KREMEN2: variants seen among roughly 807,000 people sequenced by gnomAD.
KREMEN2 encodes kremen protein 2.
KREMEN2 carries 43 observed loss-of-function variants against 49.8 expected under a neutral mutation model. The ratio of observed to expected loss-of-function variants is 0.86; its 90% CI spans 0.68 to 1.11. The LOEUF (loss-of-function observed/expected upper bound fraction) is 1.11. KREMEN2 is among the 50% of genes most tolerant of loss of function. The pLI is 0.00. For synonymous variants in KREMEN2, 355 were observed against 304.9 expected (o/e 1.16, Z -1.71); for missense variants, 686 against 665.7 (o/e 1.03, Z -0.34).
At position 2,967,982 on chromosome 16, in the gene KREMEN2, A is replaced by C; in HGVS notation, c.1351A>C (p.Ser451Arg). The change falls in exon 9 of 9, where the codon AGC becomes CGC. Residue 451 changes from serine (S) to arginine (R), a missense_variant. Physicochemically the swap from Ser to Arg is moderately radical, Grantham distance 110. Coordinates refer to ENST00000303746, the MANE Select transcript of KREMEN2 (RefSeq NM_172229.3). The part of the protein sequence containing the change: ...AAGYRPLSAS[S>R]QSSLRSLISA... Reference sequence around the variant, plus strand: ...GGGCTACCGGCCTCTGAGTGCCTCCAGCCAGAGCTCCCTGCGCTCGCTCAT... The same window carrying C: ...GGGCTACCGGCCTCTGAGTGCCTCCCGCCAGAGCTCCCTGCGCTCGCTCAT... 1 of 1,583,682 alleles carries C rather than the reference A, an allele frequency of 6.3e-7. No homozygotes were observed. The highest frequency in any genetic ancestry group is 8.5e-7 in the Non-Finnish European group (1 of 1,170,002).
Position 2,966,692 on chromosome 16 carries a change from C to T in KREMEN2, c.537C>T (p.Asp179=), listed in dbSNP as rs745886474. The T allele has an allele frequency of 5.6e-6, 9 of 1,611,386 alleles. No homozygotes were observed. Among genetic ancestry groups the T allele is most frequent in the Middle Eastern group, 1.6e-4 (1 of 6,084 alleles). ...CCTGCTTCTGTGGCTCTGAAAGCGA[C>T]CTGGCCCGGGGACGCCTGGCCCCCG... ...GYACFCGSES[D]LARGRLAPAT... The change falls in exon 5 of 9, where the codon GAC becomes GAT. Residue 179 remains aspartate (D), a synonymous_variant. Coordinates refer to ENST00000303746, the MANE Select transcript of KREMEN2 (RefSeq NM_172229.3). The surrounding 1 kb of genome is among the most constrained non-coding windows in gnomAD (Gnocchi z 8.4).
intron 7 of KREMEN2, 34 bp downstream of exon 7, chr16:2,967,479 G>A (rs2071853265): frequency 6.8e-7 from 1 of 1,480,634 alleles, no homozygotes; most frequent in Non-Finnish European, 8.9e-7. Context: ...AGTGAGTCAG[G>A]GAGCCGCCCC....
Position 2,966,814 on chromosome 16 carries a change from C to G in KREMEN2, c.640+19C>G, listed in dbSNP as rs1236479284. ...TATGAAGGTGAGGAGTGGGCGGGGA[C>G]CAGGGGCCTGGGCGGGCCTCGAGGT... On this transcript the variant is annotated intron_variant, in intron 5 of 8. Coordinates refer to ENST00000303746, the MANE Select transcript of KREMEN2 (RefSeq NM_172229.3). This position sits in a 1 kb window ranked among gnomAD's most constrained non-coding sequence, Gnocchi z 8.4. 46 of 1,607,744 alleles carry G rather than the reference C, an allele frequency of 2.9e-5. No homozygotes were observed. Among genetic ancestry groups the G allele is most frequent in the Non-Finnish European group, 3.7e-5 (44 of 1,178,004 alleles).
chr16:2,967,638 C>G, intron 8 of KREMEN2, 34 bp downstream of exon 8: 8 of 1,534,336 alleles, frequency 5.2e-6, no homozygotes, highest in Middle Eastern at 1.7e-4. Flanking sequence ...TGAGGGCGGA[C>G]CGGTGGTGGG....
rs1016532660 is a variant in KREMEN2, at chr16:2,966,241, G to A, written c.361+10G>A. On this transcript the variant is annotated intron_variant, in intron 3 of 8. Coordinates refer to ENST00000303746, the MANE Select transcript of KREMEN2 (RefSeq NM_172229.3). This position sits in a 1 kb window ranked among gnomAD's most constrained non-coding sequence, Gnocchi z 8.4. ...ATCCCCTCCTGTCACAGTGAGTAGCGCGGCTGGACAGAGGTGGGAACGCTG... is the reference window on the plus strand; with the variant it reads ...ATCCCCTCCTGTCACAGTGAGTAGCACGGCTGGACAGAGGTGGGAACGCTG... The A allele has an allele frequency of 1.7e-5, 28 of 1,613,320 alleles. No individual in the cohort carries two copies. Among genetic ancestry groups the A allele is most frequent in the Non-Finnish European group, 2.3e-5 (27 of 1,179,984 alleles).
intron 2 of KREMEN2, 44 bp downstream of exon 2, chr16:2,965,077 T>C (rs1473266592): frequency 4.2e-6 from 6 of 1,416,314 alleles, no homozygotes; most frequent in Admixed American, 5.3e-5. Flanking sequence ...GGGCTCACCA[T>C]TGCAGGGATG....
Position 2,967,368 on chromosome 16 carries a change from A to G in KREMEN2, c.1022A>G (p.Gln341Arg). ...EDPEAPEGSAQTPAAPLDGAN... is the reference protein window; with the variant it reads ...EDPEAPEGSARTPAAPLDGAN... ...CCAGAGGCCCCCGAGGGCTCGGCCC[A>G]GACCCCCGCGGCGCCCCTCGACGGG... The change falls in exon 7 of 9, where the codon CAG (glutamine) becomes CGG (arginine). Residue 341 changes from glutamine to arginine, a missense_variant. By Grantham distance (43) the Gln-to-Arg change is conservative (BLOSUM62 1). Transcript: ENST00000303746. The G allele has an allele frequency of 1.4e-6, 2 of 1,402,114 alleles. No individual in the cohort carries two copies. The highest frequency in any genetic ancestry group is 1.8e-6 in the Non-Finnish European group (2 of 1,089,636). 86.9% of individuals were successfully genotyped at this position (1,402,114 alleles called of 1,614,324 possible). A position where few individuals can be genotyped will look rare whatever the true frequency, so the allele number is the denominator to read the frequency against.
rs1254270674 is a variant in KREMEN2, at chr16:2,967,043, C to T, written c.774C>T (p.Leu258=). The T allele has an allele frequency of 6.5e-7, 1 of 1,539,150 alleles. No homozygotes were observed. The highest frequency in any genetic ancestry group is 8.7e-7 in the Non-Finnish European group (1 of 1,144,476). ...ALGPPGAALE[L]TFRLFELADP... ...GCCCGCCAGGCGCCGCGCTGGAGCTCACCTTCCGCCTCTTCGAGCTGGCCG... is the reference window on the plus strand; with the variant it reads ...GCCCGCCAGGCGCCGCGCTGGAGCTTACCTTCCGCCTCTTCGAGCTGGCCG... Residue 258 remains leucine, a synonymous_variant, in exon 6 of 9, where the codon CTC becomes CTT. Transcript: ENST00000303746.
rs1412858930 is a variant in KREMEN2 at position 2,966,164 on chromosome 16, G to A, written c.294G>A (p.Pro98=). The A allele has an allele frequency of 1.1e-5, 18 of 1,612,272 alleles. No homozygotes were observed. Among genetic ancestry groups the A allele is most frequent in the Admixed American group, 1.7e-5 (1 of 60,004 alleles). Residue 98 remains proline, a synonymous_variant, in exon 3 of 9, where the codon CCG becomes CCA. Transcript: ENST00000303746. This position sits in a 1 kb window ranked among gnomAD's most constrained non-coding sequence, Gnocchi z 8.4. ...GTAACCCAGACGGTGACGTGCAGCC[G>A]TGGTGCTACGTGGCTGAGACAGAGG... The part of the protein sequence containing the change: ...FCRNPDGDVQ[P]WCYVAETEEG...
At position 2,967,561 on chromosome 16, in the gene KREMEN2, C is replaced by T; in HGVS notation, c.1135C>T (p.Leu379=). The change falls in exon 8 of 9, where the codon CTG becomes TTG. Residue 379 remains leucine (L), a synonymous_variant. Coordinates refer to ENST00000303746, the MANE Select transcript of KREMEN2 (RefSeq NM_172229.3). ...VFSTVTAVSV[L]LLLLLGLLRP... ...CTCGACGGTGACGGCTGTCTCGGTG[C>T]TGCTGCTGCTGCTCCTGGGGCTGCT... 4.6e-6 allele frequency: 7 copies of T among 1,527,894 alleles called. No individual in the cohort carries two copies. The highest frequency in any genetic ancestry group is 1.4e-5 in the African/African-American group (1 of 72,574). 94.6% of individuals were successfully genotyped at this position (1,527,894 alleles called of 1,614,324 possible). A position where few individuals can be genotyped will look rare whatever the true frequency, so the allele number is the denominator to read the frequency against.
chr16:2,967,253 G>T lies in KREMEN2; in HGVS notation c.973+11G>T. 7.4e-7 allele frequency: 1 copy of T among 1,352,538 alleles called. No homozygotes were observed. Among genetic ancestry groups the T allele is most frequent in the Non-Finnish European group, 9.4e-7 (1 of 1,060,708 alleles). 83.8% of individuals were successfully genotyped at this position (1,352,538 alleles called of 1,614,324 possible). A position where few individuals can be genotyped will look rare whatever the true frequency, so the allele number is the denominator to read the frequency against. On this transcript the variant is annotated intron_variant, in intron 6 of 8. Coordinates refer to ENST00000303746, the MANE Select transcript of KREMEN2 (RefSeq NM_172229.3). Reference sequence around the variant, plus strand: ...CGCTCACCTACCGCGGTGAGCCTCAGCTCGGCGCGCCCTGCCCGCTGTTCC... The same window carrying T: ...CGCTCACCTACCGCGGTGAGCCTCATCTCGGCGCGCCCTGCCCGCTGTTCC...
rs966415166 is a variant in KREMEN2 at position 2,967,081 on chromosome 16, G to A, written c.812G>A (p.Arg271Gln). 2.6e-6 allele frequency: 4 copies of A among 1,511,538 alleles called. No homozygotes were observed. The highest frequency in any genetic ancestry group is 3.5e-6 in the Non-Finnish European group (4 of 1,136,380). The allele number at this position is 1,511,538 out of a possible 1,614,324, so 93.6% of individuals were successfully genotyped here. Reference sequence around the variant, plus strand: ...TTCGAGCTGGCCGACCCGCGCGACCGGCTGGAGCTGCGCGACGCGGCTTCG... The same window carrying A: ...TTCGAGCTGGCCGACCCGCGCGACCAGCTGGAGCTGCGCGACGCGGCTTCG... ...RLFELADPRD[R>Q]LELRDAASGS... The change falls in exon 6 of 9, where the codon CGG becomes CAG. Residue 271 changes from arginine to glutamine, a missense_variant. Arg to Gln is a conservative substitution (Grantham distance 43). Transcript: ENST00000303746.
chr16:2,967,268 C>T, intron 6 of KREMEN2, 26 bp downstream of exon 6: 2 of 1,354,228 alleles, frequency 1.5e-6, no homozygotes, highest in Non-Finnish European at 1.9e-6. Flanking sequence ...GCGCGCCCTG[C>T]CCGCTGTTCC....
chr16:2,967,160 G>A lies in KREMEN2; in HGVS notation c.891G>A (p.Leu297=). 7.2e-7 allele frequency: 1 copy of A among 1,383,364 alleles called. No homozygotes were observed. The highest frequency in any genetic ancestry group is 9.3e-7 in the Non-Finnish European group (1 of 1,077,692). The allele number at this position is 1,383,364 out of a possible 1,614,324, so 85.7% of individuals were successfully genotyped here. A position where few individuals can be genotyped will look rare whatever the true frequency, so the allele number is the denominator to read the frequency against. The part of the protein sequence containing the change: ...DGARPPPSGP[L]RLGTAALLLT... ...CCCGCCCACCGCCGTCCGGGCCGCT[G>A]CGCCTGGGCACTGCCGCGCTGCTGC... The change falls in exon 6 of 9, where the codon CTG becomes CTA. Residue 297 remains leucine (L), a synonymous_variant. Coordinates refer to ENST00000303746, the MANE Select transcript of KREMEN2 (RefSeq NM_172229.3).
At chr16:2,965,769 C>T (rs1050635319) in intron 2 of KREMEN2, among the ~76,000 whole-genome samples, 3 of 115,666 alleles carry the variant, frequency 2.6e-5, no homozygotes, top group South Asian at 5.9e-4. Flanking sequence ...AGACTCGTCT[C>T]AAAAAAAAAA....
intron 8 of KREMEN2, 57 bp from the exon 9 acceptor site, chr16:2,967,753 G>T: frequency 1.9e-6 from 3 of 1,545,218 alleles, no homozygotes; most frequent in Non-Finnish European, 1.8e-6. Flanking sequence ...ATCGCAGGTA[G>T]AGCAGGACGC....
chr16:2,966,769 G>A lies in KREMEN2; in HGVS notation c.614G>A (p.Gly205Asp), dbSNP rs768972679. The change falls in exon 5 of 9, where the codon GGC becomes GAC. Residue 205 changes from glycine (G) to aspartate (D), a missense_variant. Transcript: ENST00000303746. The surrounding 1 kb of genome is among the most constrained non-coding windows in gnomAD (Gnocchi z 8.4). ...CFGHPGQLCG[G>D]DGRLGVYEVS... ...GGCCACCCTGGACAGCTGTGTGGCG[G>A]CGATGGGCGGCTGGGCGTCTATGAA... is the stretch of plus-strand genomic sequence containing the variant. 1.2e-6 allele frequency: 2 copies of A among 1,611,504 alleles called. No homozygotes were observed. The highest frequency in any genetic ancestry group is 1.3e-5 in the African/African-American group (1 of 75,044).
In KREMEN2 at chr16:2,967,011, G is replaced by A. The variant is rs772891884; in HGVS notation, c.742G>A (p.Ala248Thr). ...CGGGCCGGACCGGAACTGCAGCTGG[G>A]CCCTGGGCCCGCCAGGCGCCGCGCT... ...EYGPDRNCSW[A>T]LGPPGAALEL... Residue 248 changes from alanine to threonine, a missense_variant, in exon 6 of 9, where the codon GCC (alanine) becomes ACC (threonine). Transcript: ENST00000303746. 2.6e-5 allele frequency: 40 copies of A among 1,548,258 alleles called. 1 individual carries two copies. In the South Asian group the frequency reaches 3.7e-4, roughly 14 times the overall value.
Position 2,967,165 on chromosome 16 carries a change from TG to T in KREMEN2, c.899del (p.Gly300AlafsTer53). 1 of 1,380,228 alleles carries T rather than the reference TG, an allele frequency of 7.2e-7. No homozygotes were observed. The highest frequency in any genetic ancestry group is 9.3e-7 in the Non-Finnish European group (1 of 1,076,146). 85.5% of individuals were successfully genotyped at this position (1,380,228 alleles called of 1,614,324 possible). A position where few individuals can be genotyped will look rare whatever the true frequency, so the allele number is the denominator to read the frequency against. On this transcript the variant is annotated frameshift_variant, in exon 6 of 9. Transcript: ENST00000303746. LOFTEE classifies it high-confidence loss of function. ...ARPPPSGPLR[L>X]GTAALLLTFR... The stretch of plus-strand genomic sequence containing the variant: ...CCACCGCCGTCCGGGCCGCTGCGCC[TG>T]GGCACTGCCGCGCTGCTGCTCACCT...
Sources: allele counts gnomAD v4.1 joint callset (sites outside exome capture counted in the v4.1 genomes callset), GRCh38; gene constraint gnomAD v4.1.1; non-coding constraint Gnocchi (gnomAD v3.1); transcripts MANE v1.5; gene names NCBI Gene and HGNC (gene_info 2026-07-23, HGNC 2026-07-21).